The following ZNF503 variants were observed in gnomAD, a reference collection of about 807,000 sequenced individuals.
ZNF503 encodes zinc finger protein 503.
Under a neutral mutation model 34.4 loss-of-function variants are expected in ZNF503, and 15 were observed. The observed-to-expected ratio is 0.44, with a 90% confidence interval of 0.29 to 0.67. The LOEUF is 0.67. Ranked by LOEUF, ZNF503 falls within the 30% of genes least tolerant of loss-of-function variation. The probability of loss-of-function intolerance (pLI) is 0.13; values close to 1 mark genes in which losing one functional copy is unlikely to be tolerated. For missense variants in ZNF503, 1,007 were observed against 926.8 expected (o/e 1.09, Z -1.12); for synonymous variants, 580 against 456.8 (o/e 1.27, Z -3.44).
At chr10:75,346,729 A>G in the ZNF503 span, among the ~76,000 whole-genome samples, 570 of 151,890 alleles carry the variant, frequency 3.8e-3, 1 homozygote, top group African/African-American at 0.013. Context: ...GGTGTGAGCC[A>G]CCACACCCAG....
At chr10:75,342,880 A>G in the ZNF503 span, among the ~76,000 whole-genome samples, 1 of 152,196 alleles carries the variant, frequency 6.6e-6, no homozygotes, top group African/African-American at 2.4e-5. Flanking sequence ...AGCTCCATTA[A>G]TATTTGCTGA....
chr10:75,362,152 C>G, the ZNF503 span, among the ~76,000 whole-genome samples: 1 of 152,250 alleles, frequency 6.6e-6, no homozygotes, highest in Middle Eastern at 3.4e-3. Flanking sequence ...GAGAAATAGC[C>G]CTGCGCCCTT....
chr10:75,390,038 AC>A, the ZNF503 span, among the ~76,000 whole-genome samples: 212 of 151,018 alleles, frequency 1.4e-3, no homozygotes, highest in Non-Finnish European at 2.2e-3. Context: ...GACTACAGGC[AC>A]CCCCCCACCA....
At chr10:75,333,507 G>C in the ZNF503 span, among the ~76,000 whole-genome samples, 2 of 52,962 alleles carry the variant, frequency 3.8e-5, no homozygotes, top group Admixed American at 1.7e-4. Flanking sequence ...CGGGCTGAGG[G>C]GCTCCTCACT....
the ZNF503 span, among the ~76,000 whole-genome samples, chr10:75,345,218 T>G: frequency 6.6e-6 from 1 of 152,158 alleles, no homozygotes; most frequent in African/African-American, 2.4e-5. Context: ...GGATATTTCA[T>G]AGGGGCCAGG....
At chr10:75,339,702 G>A in the ZNF503 span, among the ~76,000 whole-genome samples, 122 of 152,266 alleles carry the variant, frequency 8.0e-4, 3 homozygotes, top group African/African-American at 2.8e-3. Flanking sequence ...AGTCCCTGGG[G>A]GAAAAGTAGA....
At chr10:75,340,352 G>C in the ZNF503 span, among the ~76,000 whole-genome samples, 1 of 152,158 alleles carries the variant, frequency 6.6e-6, no homozygotes, top group African/African-American at 2.4e-5. Context: ...AGGCATTTGG[G>C]CAGTATCAAA....
the ZNF503 span, chr10:75,296,687 G>C: frequency 4.6e-5 from 7 of 152,326 alleles, no homozygotes; most frequent in East Asian, 1.4e-3. Flanking sequence ...TTTTCAAGGA[G>C]TGATGTCTTG....
chr10:75,381,007 T>C, the ZNF503 span, among the ~76,000 whole-genome samples: 5 of 152,198 alleles, frequency 3.3e-5, no homozygotes, highest in Admixed American at 2.6e-4. Flanking sequence ...ACACGCTCAC[T>C]CCAACCTGGA....
chr10:75,386,708 T>C, the ZNF503 span, among the ~76,000 whole-genome samples: 1 of 152,230 alleles, frequency 6.6e-6, no homozygotes, highest in African/African-American at 2.4e-5. Context: ...CTATTGCTTA[T>C]TGAAGAACAA....
chr10:75,368,152 A>G, the ZNF503 span, among the ~76,000 whole-genome samples: 5 of 152,186 alleles, frequency 3.3e-5, no homozygotes, highest in East Asian at 1.9e-4. Context: ...CCACTGCCCT[A>G]TCTAGCTCTG....
At chr10:75,328,438 T>G in the ZNF503 span, among the ~76,000 whole-genome samples, 1 of 152,170 alleles carries the variant, frequency 6.6e-6, no homozygotes, top group Non-Finnish European at 1.5e-5. Flanking sequence ...CTTATTCTGT[T>G]CCATTGACCT....
At chr10:75,320,364 C>T in the ZNF503 span, among the ~76,000 whole-genome samples, 3 of 152,170 alleles carry the variant, frequency 2.0e-5, no homozygotes. Flanking sequence ...GCCTGTAATT[C>T]CAGCTACTCA....
chr10:75,304,011 T>C, the ZNF503 span, among the ~76,000 whole-genome samples: 1 of 152,006 alleles, frequency 6.6e-6, no homozygotes, highest in African/African-American at 2.4e-5. Flanking sequence ...TTTTTGTATT[T>C]TTAGTAGAGA....
the ZNF503 span, among the ~76,000 whole-genome samples, chr10:75,281,819 C>T: frequency 1.6e-4 from 25 of 152,324 alleles, no homozygotes; most frequent in African/African-American, 5.5e-4. Flanking sequence ...GAGGACAAAG[C>T]ACAAATTCTC....
the ZNF503 span, among the ~76,000 whole-genome samples, chr10:75,294,691 G>A: frequency 2.7e-5 from 4 of 150,490 alleles, no homozygotes; most frequent in African/African-American, 9.8e-5. Flanking sequence ...GGAGGACACT[G>A]AGCGGAGCGG....
the ZNF503 span, among the ~76,000 whole-genome samples, chr10:75,376,514 C>T: frequency 2.6e-5 from 4 of 151,962 alleles, no homozygotes; most frequent in African/African-American, 4.8e-5. Context: ...TGTGGTGGCA[C>T]GCACCTGTAT....
chr10:75,289,528 T>G, the ZNF503 span, among the ~76,000 whole-genome samples: 1 of 152,176 alleles, frequency 6.6e-6, no homozygotes. Flanking sequence ...TTCATTCACT[T>G]TTTCAATTGT....
the ZNF503 span, among the ~76,000 whole-genome samples, chr10:75,362,193 G>T: frequency 4.6e-5 from 7 of 152,102 alleles, no homozygotes; most frequent in African/African-American, 1.7e-4. Context: ...CCTTAATGCG[G>T]CCATATTTTG....
Sources: allele counts gnomAD v4.1 joint callset (sites outside exome capture counted in the v4.1 genomes callset), GRCh38; gene constraint gnomAD v4.1.1; transcripts MANE v1.5; gene names NCBI Gene and HGNC (gene_info 2026-07-23, HGNC 2026-07-21).